Variants in PIK3C2G observed in about 807,000 individuals in gnomAD.
The protein encoded by PIK3C2G is phosphatidylinositol-4-phosphate 3-kinase catalytic subunit type 2 gamma, also known as phosphatidylinositol 3-kinase C2 domain-containing subunit gamma.
In PIK3C2G, 168 loss-of-function variants were observed where a neutral mutation model predicts 181.1. The ratio of observed to expected loss-of-function variants is 0.93; its 90% CI spans 0.82 to 1.05. The LOEUF is 1.05. Ranked by LOEUF, PIK3C2G falls within the 50% of genes least tolerant of loss-of-function variation. The pLI is 0.00. For synonymous variants in PIK3C2G, 573 were observed against 592.2 expected (o/e 0.97, Z 0.47); for missense variants, 1,869 against 1,732.8 (o/e 1.08, Z -1.40).
Position 18,282,552 on chromosome 12 carries a change from G to C in PIK3C2G, c.471G>C (p.Glu157Asp). Residue 157 changes from glutamate to aspartate, a missense_variant, in exon 2 of 33, where the codon GAG (glutamate) becomes GAC (aspartate). Transcript: ENST00000538779. ...CAAGTTTGGATAAAATTAATCTAGA[G>C]AAAGAATTAGAAAATGAAAATCATA... ...SFTSLDKINL[E>D]KELENENHNY... The C allele has an allele frequency of 6.2e-7, 1 of 1,610,988 alleles. No homozygotes were observed. Among genetic ancestry groups the C allele is most frequent in the Non-Finnish European group, 8.5e-7 (1 of 1,177,766 alleles).
At chr12:18,588,260 T>C (rs1417915273) in intron 29 of PIK3C2G, among the ~76,000 whole-genome samples, 2 of 152,086 alleles carry the variant, frequency 1.3e-5, no homozygotes, top group African/African-American at 4.8e-5. Context: ...TGGGATCTAA[T>C]TAAACTTAAG....
chr12:18,658,478 A>G, the PIK3C2G span, among the ~76,000 whole-genome samples: 1 of 152,160 alleles, frequency 6.6e-6, no homozygotes, highest in East Asian at 1.9e-4. Flanking sequence ...CCTCAATAAG[A>G]TTAATGGCTG....
the PIK3C2G span, among the ~76,000 whole-genome samples, chr12:18,698,177 C>A: frequency 6.6e-6 from 1 of 151,906 alleles, no homozygotes; most frequent in Non-Finnish European, 1.5e-5. Context: ...CAATCCAACT[C>A]ACATGCACGA....
intron 5 of PIK3C2G, among the ~76,000 whole-genome samples, chr12:18,302,090 T>C (rs1651136503): frequency 6.6e-6 from 1 of 152,134 alleles, no homozygotes; most frequent in South Asian, 2.1e-4. Flanking sequence ...CAGCTTCCAG[T>C]GTGGTAGTGG....
chr12:18,373,399 A>G (rs1473499294), intron 13 of PIK3C2G, among the ~76,000 whole-genome samples: 7 of 152,230 alleles, frequency 4.6e-5, no homozygotes, highest in Non-Finnish European at 5.9e-5. Context: ...ATGCAGAATT[A>G]AAGGTTTCCT....
chr12:18,479,359 G>A (rs1375733349), intron 18 of PIK3C2G, among the ~76,000 whole-genome samples: 1 of 152,066 alleles, frequency 6.6e-6, no homozygotes, highest in Non-Finnish European at 1.5e-5. Context: ...TCAGGAGGTG[G>A]CACAGCATAA....
At chr12:18,468,858 A>C (rs1010100752) in intron 18 of PIK3C2G, among the ~76,000 whole-genome samples, 2 of 152,248 alleles carry the variant, frequency 1.3e-5, no homozygotes, top group Middle Eastern at 3.4e-3. Context: ...AGGAAGAAGC[A>C]TGTGCTTAAT....
Position 18,538,410 on chromosome 12 carries a change from G to A in PIK3C2G, c.3480+98G>A, listed in dbSNP as rs1363085467. The A allele has an allele frequency of 6.0e-6, 6 of 994,378 alleles. No individual in the cohort carries two copies. In the African/African-American group the frequency reaches 6.6e-5, roughly 11 times the overall value. 61.6% of individuals were successfully genotyped at this position (994,378 alleles called of 1,614,324 possible). A position where few individuals can be genotyped will look rare whatever the true frequency, so the allele number is the denominator to read the frequency against. On this transcript the variant is annotated intron_variant, in intron 25 of 32. Coordinates refer to ENST00000538779, the MANE Select transcript of PIK3C2G (RefSeq NM_001288772.2). ...CTAATGGCTTGGAGTTCCCCAAGGA[G>A]CTATTCGGAAGAGAAAGGAATGAGA...
intron 1 of PIK3C2G, among the ~76,000 whole-genome samples, chr12:18,255,194 C>G (rs1236799174): frequency 1.3e-5 from 2 of 149,182 alleles, no homozygotes; most frequent in African/African-American, 2.5e-5. Context: ...CCAGCCTGGG[C>G]AATGAGTGAA....
chr12:18,335,308 T>C (rs560938913), intron 8 of PIK3C2G, among the ~76,000 whole-genome samples: 6 of 152,304 alleles, frequency 3.9e-5, no homozygotes, highest in Admixed American at 2.6e-4. Flanking sequence ...CAGCTGAGGA[T>C]CTACATCTAG....
intron 24 of PIK3C2G, among the ~76,000 whole-genome samples, chr12:18,507,612 G>A (rs950375534): frequency 1.3e-5 from 2 of 152,084 alleles, no homozygotes; most frequent in Non-Finnish European, 1.5e-5. Flanking sequence ...TCATGTAACA[G>A]TTTTTTCCTG....
chr12:18,444,175 C>T (rs1252252432), intron 18 of PIK3C2G, among the ~76,000 whole-genome samples: 1 of 152,066 alleles, frequency 6.6e-6, no homozygotes, highest in African/African-American at 2.4e-5. Context: ...AGCCATCTTC[C>T]CTCTATAATG....
chr12:18,475,320 G>A (rs2135994362), intron 18 of PIK3C2G, among the ~76,000 whole-genome samples: 1 of 147,946 alleles, frequency 6.8e-6, no homozygotes, highest in African/African-American at 2.5e-5. Context: ...AGAGATAAAT[G>A]CTTAGATTAC....
chr12:18,520,459 A>T (rs1353148076), intron 24 of PIK3C2G, among the ~76,000 whole-genome samples: 2 of 152,022 alleles, frequency 1.3e-5, no homozygotes, highest in Non-Finnish European at 2.9e-5. Context: ...TCCTTTCAGC[A>T]AGATAGTCTT....
chr12:18,488,653 G>A, intron 19 of PIK3C2G, 24 bp downstream of exon 19: 1 of 1,380,678 alleles, frequency 7.2e-7, no homozygotes, highest in African/African-American at 1.5e-5. Context: ...TTAATATTCA[G>A]GTAGTAATGT....
the PIK3C2G span, chr12:18,723,694 C>A: frequency 1.4e-6 from 1 of 732,900 alleles, no homozygotes; most frequent in Non-Finnish European, 2.2e-6. Flanking sequence ...TACAAAGCTG[C>A]ATGGAGTGAC....
chr12:18,434,890 T>C (rs1293360852), intron 18 of PIK3C2G, among the ~76,000 whole-genome samples: 1 of 152,000 alleles, frequency 6.6e-6, no homozygotes, highest in Non-Finnish European at 1.5e-5. Flanking sequence ...GTAAGAATCA[T>C]CATTTTAATA....
At chr12:18,500,231 G>C (rs1365804968) in intron 22 of PIK3C2G, among the ~76,000 whole-genome samples, 1 of 152,074 alleles carries the variant, frequency 6.6e-6, no homozygotes, top group East Asian at 1.9e-4. Flanking sequence ...GGCGGGCCCC[G>C]CACTCGGAGC....
intron 18 of PIK3C2G, among the ~76,000 whole-genome samples, chr12:18,465,693 T>C (rs1242020695): frequency 6.6e-6 from 1 of 151,844 alleles, no homozygotes; most frequent in Non-Finnish European, 1.5e-5. Flanking sequence ...TGGATAGTCT[T>C]TTCTTCTGGC....
Sources: allele counts gnomAD v4.1 joint callset (sites outside exome capture counted in the v4.1 genomes callset), GRCh38; gene constraint gnomAD v4.1.1; transcripts MANE v1.5; gene names NCBI Gene and HGNC (gene_info 2026-07-23, HGNC 2026-07-21).